Variants in LBR observed in about 807,000 individuals in gnomAD.
LBR encodes the protein lamin B receptor.
A neutral mutation model predicts 74.3 loss-of-function variants in LBR; 28 were observed. That is an observed-to-expected ratio of 0.38 (90% CI 0.28 to 0.52). The LOEUF (loss-of-function observed/expected upper bound fraction) is 0.52, where lower values mean the gene tolerates loss of function less well. LBR is among the 20% of genes least tolerant of loss of function. The pLI is 0.89. For missense variants in LBR, 717 were observed against 760.3 expected (o/e 0.94, Z 0.67); for synonymous variants, 228 against 269.3 (o/e 0.85, Z 1.50).
chr1:225,411,230 C>A, intron 9 of LBR, 107 bp downstream of exon 9: 1 of 827,168 alleles, frequency 1.2e-6, no homozygotes, highest in Non-Finnish European at 2.1e-6. Flanking sequence ...CATAATTATC[C>A]CTAAAAATAT....
At chr1:225,419,672 AG>A (rs2096124028) in intron 4 of LBR, 42 bp downstream of exon 4, 2 of 1,413,436 alleles carry the variant, frequency 1.4e-6, no homozygotes, top group East Asian at 2.3e-5. Context: ...ACCAAAAAAA[AG>A]AAAAAAAAAA....
In LBR at chr1:225,402,198, G is replaced by C. The variant is rs1303705203; in HGVS notation, c.*1105C>G. The stretch of plus-strand genomic sequence containing the variant: ...CACTCCTTTACAGGGAGTCAGGTTT[G>C]GTAAATATAAAGGATACATAAAAAA... On this transcript the variant is annotated 3_prime_UTR_variant, in exon 14 of 14. Transcript: ENST00000272163. 7 of 152,172 alleles carry C rather than the reference G, an allele frequency of 4.6e-5. No individual in the cohort carries two copies. The East Asian group carries it at 1.3e-3, about 29-fold the overall frequency. 9.4% of individuals were successfully genotyped at this position (152,172 alleles called of 1,614,324 possible).
upstream of LBR, chr1:225,428,106 G>A (rs12096558): frequency 9.6e-3 from 1,466 of 152,156 alleles, 28 homozygotes; most frequent in East Asian, 0.051. Flanking sequence ...CCCGCCTCGC[G>A]GCGCTTCTCC....
At position 225,420,796 on chromosome 1, in the gene LBR, T is replaced by A. The variant is rs1411228148; in HGVS notation, c.367-998A>T. Among the ~76,000 whole-genome samples, 8 of 147,136 alleles carry A rather than the reference T, an allele frequency of 5.4e-5. No homozygotes were observed. The East Asian group carries it at 1.4e-3, about 26-fold the overall frequency. On this transcript the variant is annotated intron_variant, in intron 3 of 13. Transcript: ENST00000272163. ...CATTCTCCAAAAAAAAAAAAAAAAA[T>A]TATAATACTCAGAATGAGAAACTGA...
At chr1:225,424,760 G>A (rs1302202356) in intron 1 of LBR, among the ~76,000 whole-genome samples, 1 of 152,126 alleles carries the variant, frequency 6.6e-6, no homozygotes, top group East Asian at 1.9e-4. Context: ...CTTTTCCTCT[G>A]ATTCAAAACA....
intron 7 of LBR, among the ~76,000 whole-genome samples, chr1:225,414,548 C>G (rs1358422989): frequency 1.3e-5 from 2 of 152,156 alleles, no homozygotes; most frequent in Non-Finnish European, 2.9e-5. Flanking sequence ...GATGCCGGAC[C>G]CACAGGGAGC....
intron 5 of LBR, 82 bp downstream of exon 5, chr1:225,419,181 G>A (rs1312369375): frequency 7.6e-7 from 1 of 1,319,362 alleles, no homozygotes; most frequent in Non-Finnish European, 1.1e-6. Flanking sequence ...GATGTCTTCA[G>A]AGAGGCCTTT....
rs2096143886 is a variant in LBR at position 225,427,966 on chromosome 1, C to CCGGCGGTGACA, written c.-38_-28dup. The CCGGCGGTGACA allele has an allele frequency of 6.6e-6, 1 of 152,188 alleles. No homozygotes were observed. Among genetic ancestry groups the CCGGCGGTGACA allele is most frequent in the South Asian group, 2.1e-4 (1 of 4,838 alleles). The allele number at this position is 152,188 out of a possible 1,614,324, so 9.4% of individuals were successfully genotyped here. On this transcript the variant is annotated 5_prime_UTR_variant, in exon 1 of 14. Coordinates refer to ENST00000272163, the MANE Select transcript of LBR (RefSeq NM_002296.4). ...TGGAAGCACTCACCTGCGCCAGGTT[C>CCGGCGGTGACA]CGGCGGTGACACGGACGGCTCCCGG...
chr1:225,411,491 G>C, intron 8 of LBR, 51 bp from the exon 9 acceptor site: 3 of 1,389,336 alleles, frequency 2.2e-6, no homozygotes, highest in Non-Finnish European at 3.1e-6. Context: ...CCAGTCAGGA[G>C]GCTTTACAAC....
At position 225,404,493 on chromosome 1, in the gene LBR, T is replaced by C; in HGVS notation, c.1598A>G (p.Asn533Ser). 6.2e-7 allele frequency: 1 copy of C among 1,613,458 alleles called. No individual in the cohort carries two copies. Among genetic ancestry groups the C allele is most frequent in the Non-Finnish European group, 8.5e-7 (1 of 1,179,470 alleles). Residue 533 changes from asparagine (N) to serine (S), a missense_variant, in exon 13 of 14, where the codon AAT becomes AGT. Coordinates refer to ENST00000272163, the MANE Select transcript of LBR (RefSeq NM_002296.4). ...GCCCCACCATCCAGAAACTAGAAGA[T>C]TTTTTCCCGTTGAAGTATGAATGGT... ...LKTIHTSTGK[N>S]LLVSGWWGFV...
intron 6 of LBR, among the ~76,000 whole-genome samples, chr1:225,417,219 C>A (rs758477040): frequency 1.3e-5 from 2 of 152,184 alleles, no homozygotes; most frequent in Non-Finnish European, 2.9e-5. Context: ...ATTAAGCCTG[C>A]AGCTCTACCC....
At chr1:225,411,560 G>A (rs1218698306) in intron 8 of LBR, 120 bp from the exon 9 acceptor site, 1 of 775,066 alleles carries the variant, frequency 1.3e-6, no homozygotes, top group Admixed American at 1.9e-5. Context: ...CCTGAGCAGG[G>A]CTCTGGTGGT....
In LBR at chr1:225,420,309, CA is replaced by C. The variant is rs35741344; in HGVS notation, c.367-512del. Among the ~76,000 whole-genome samples the C allele has an allele frequency of 5.5e-3, 738 of 134,770 alleles. 7 individuals are homozygous for C. The highest frequency in any genetic ancestry group is 0.02 in the African/African-American group (682 of 33,520). The allele number at this position is 134,770 out of a possible 152,430, so 88.4% of individuals were successfully genotyped here. A position where few individuals can be genotyped will look rare whatever the true frequency, so the allele number is the denominator to read the frequency against. On this transcript the variant is annotated intron_variant, in intron 3 of 13. Transcript: ENST00000272163. ...GGGCAACAAGAATGAAACTCCGCCT[CA>C]AAAAAAAAAAAAACAACTTTGATCT...
At chr1:225,405,700 A>G (rs1005971074) in intron 11 of LBR, among the ~76,000 whole-genome samples, 2 of 152,160 alleles carry the variant, frequency 1.3e-5, no homozygotes, top group Non-Finnish European at 1.5e-5. Flanking sequence ...TTCATGACAA[A>G]TTACCTAGTC....
intron 9 of LBR, among the ~76,000 whole-genome samples, chr1:225,410,737 A>C (rs2096103272): frequency 6.6e-6 from 1 of 152,278 alleles, no homozygotes; most frequent in African/African-American, 2.4e-5. Context: ...ATGAGAGACA[A>C]GGAAAGCCTA....
rs886046048 is a variant in LBR at position 225,402,254 on chromosome 1, G to C, written c.*1049C>G. The C allele has an allele frequency of 2.0e-5, 3 of 152,110 alleles. No individual in the cohort carries two copies. The highest frequency in any genetic ancestry group is 4.4e-5 in the Non-Finnish European group (3 of 68,002). The allele number at this position is 152,110 out of a possible 1,614,324, so 9.4% of individuals were successfully genotyped here. On this transcript the variant is annotated 3_prime_UTR_variant, in exon 14 of 14. Coordinates refer to ENST00000272163, the MANE Select transcript of LBR (RefSeq NM_002296.4). ...TATAAACTGCATAAGCTTAACAGTA[G>C]CAAAAACACTGATGAACTTTTAAAA...
At chr1:225,428,758 A>C (rs2096146491), upstream of LBR, 1 of 152,218 alleles carries the variant, frequency 6.6e-6, no homozygotes, top group South Asian at 2.1e-4. Context: ...ATGCAGTAGA[A>C]AATCCCCAAC....
At chr1:225,407,093 C>CT (rs1357501266) in intron 10 of LBR, among the ~76,000 whole-genome samples, 2 of 152,130 alleles carry the variant, frequency 1.3e-5, no homozygotes, top group Non-Finnish European at 2.9e-5. Flanking sequence ...TGCCCAGGCC[C>CT]TCCCCTCTGC....
intron 10 of LBR, among the ~76,000 whole-genome samples, chr1:225,408,283 C>T (rs952070121): frequency 1.3e-5 from 2 of 152,206 alleles, no homozygotes; most frequent in Non-Finnish European, 2.9e-5. Flanking sequence ...TGAGGACACA[C>T]GGTGTTTTAA....
Sources: allele counts gnomAD v4.1 joint callset (sites outside exome capture counted in the v4.1 genomes callset), GRCh38; gene constraint gnomAD v4.1.1; transcripts MANE v1.5; gene names NCBI Gene and HGNC (gene_info 2026-07-23, HGNC 2026-07-21).